The following VPS13C variants were observed in gnomAD, a reference collection of about 807,000 sequenced individuals.
VPS13C encodes the protein vacuolar protein sorting 13 homolog C.
Under a neutral mutation model 456.8 loss-of-function variants are expected in VPS13C, and 358 were observed. The ratio of observed to expected loss-of-function variants is 0.78; its 90% confidence interval spans 0.72 to 0.86. The LOEUF is 0.86. VPS13C is among the 40% of genes least tolerant of loss of function. The pLI, the probability that VPS13C is intolerant of heterozygous loss-of-function variation, is 0.00. For synonymous variants in VPS13C, 1,578 were observed against 1,486.7 expected, an observed-to-expected ratio of 1.06 and a Z score of -1.41; for missense variants, 4,818 against 4,385.4, an observed-to-expected ratio of 1.10 and a Z score of -2.79.
intron 9 of VPS13C, among the ~76,000 whole-genome samples, chr15:62,018,611 C>T (rs1406555118): frequency 6.6e-6 from 1 of 151,732 alleles, no homozygotes; most frequent in African/African-American, 2.4e-5. Flanking sequence ...GTATGTTGAA[C>T]CAGCCTTGCA....
chr15:62,035,634 T>G (rs2140662929), intron 3 of VPS13C, among the ~76,000 whole-genome samples: 1 of 152,056 alleles, frequency 6.6e-6, no homozygotes, highest in South Asian at 2.1e-4. Flanking sequence ...CATACCAAAT[T>G]GTCACAACAG....
chr15:62,016,606 A>C (rs964758249), intron 9 of VPS13C, among the ~76,000 whole-genome samples: 2 of 151,814 alleles, frequency 1.3e-5, no homozygotes, highest in Non-Finnish European at 2.9e-5. Flanking sequence ...TGAACTCATC[A>C]TTTTTTATGG....
rs377113334 is a variant in VPS13C, at chr15:61,915,918, G to A, written c.8160C>T (p.Gly2720=). Residue 2720 remains glycine, a synonymous_variant, in exon 61 of 85, where the codon GGC becomes GGT. Transcript: ENST00000644861. The part of the protein sequence containing the change: ...IMELVLVKYQ[G]KNWNGHFRIR... ...TGCGGAAATGTCCATTCCAGTTTTT[G>A]CCCTGGTATTTCACCAGGACTAATT... 1.4e-5 allele frequency: 22 copies of A among 1,613,800 alleles called. No homozygotes were observed. The African/African-American group carries it at 2.8e-4, about 21-fold the overall frequency.
At chr15:61,866,434 TAAG>T (rs1430059992) in intron 81 of VPS13C, 1 of 984,048 alleles carries the variant, frequency 1.0e-6, no homozygotes, top group African/African-American at 1.7e-5. Flanking sequence ...ACAAAACAAT[TAAG>T]AAAAAATCTT....
At chr15:61,922,079 T>C (rs754945851) in intron 54 of VPS13C, 46 bp from the exon 55 acceptor site, 6 of 1,582,402 alleles carry the variant, frequency 3.8e-6, no homozygotes, top group Non-Finnish European at 5.2e-6. Flanking sequence ...TTGGCTTTAA[T>C]TACATATTTC....
intron 35 of VPS13C, 58 bp downstream of exon 35, chr15:61,961,531 A>C: frequency 1.4e-6 from 2 of 1,469,858 alleles, no homozygotes; most frequent in Non-Finnish European, 9.1e-7. Context: ...TCAAGTCATA[A>C]AATTTCATGG....
At chr15:61,931,475 AATG>A (rs2044053989) in intron 49 of VPS13C, among the ~76,000 whole-genome samples, 1 of 152,196 alleles carries the variant, frequency 6.6e-6, no homozygotes, top group South Asian at 2.1e-4. Context: ...AATATCCAAC[AATG>A]ATTAGTATAG....
intron 18 of VPS13C, among the ~76,000 whole-genome samples, chr15:61,987,700 T>C (rs1169201412): frequency 1.3e-5 from 2 of 152,128 alleles, no homozygotes; most frequent in Non-Finnish European, 2.9e-5. Flanking sequence ...TCGAGGAACA[T>C]ATCAAATCCG....
At chr15:61,990,620 G>A (rs779400086) in intron 18 of VPS13C, among the ~76,000 whole-genome samples, 4 of 152,026 alleles carry the variant, frequency 2.6e-5, no homozygotes, top group Admixed American at 6.6e-5. Context: ...AAACCAGCCT[G>A]GTCAACATGG....
Position 61,896,393 on chromosome 15 carries a change from C to G in VPS13C, c.9106-5993G>C, listed in dbSNP as rs188840049. 2.1e-3 allele frequency among the ~76,000 whole-genome samples: 316 copies of G among 152,226 alleles called. 3 individuals carry two copies. The highest frequency in any genetic ancestry group is 7.3e-3 in the African/African-American group (302 of 41,532). On this transcript the variant is annotated intron_variant, in intron 66 of 84. Coordinates refer to ENST00000644861, the MANE Select transcript of VPS13C (RefSeq NM_020821.3). ...CAGTGGGCACAGGTCAGTGGGTGCA[C>G]GCATGGTGCGCGAGCCGAAGCAGGG...
intron 65 of VPS13C, among the ~76,000 whole-genome samples, chr15:61,908,191 T>G (rs767734359): frequency 1.4e-4 from 22 of 152,096 alleles, no homozygotes; most frequent in Admixed American, 2.6e-4. Context: ...TCCAGAGAAC[T>G]GGGAGAAAAA....
chr15:61,906,500 C>T (rs532715230), intron 66 of VPS13C: 1 of 152,340 alleles, frequency 6.6e-6, no homozygotes, highest in East Asian at 1.9e-4. Flanking sequence ...GCTACAGTTG[C>T]TAAGTAGTAT....
intron 68 of VPS13C, 43 bp from the exon 69 acceptor site, chr15:61,882,779 A>G: frequency 6.7e-7 from 1 of 1,502,220 alleles, no homozygotes. Flanking sequence ...TGATATTAGC[A>G]CAGTAGCTAT....
At chr15:61,919,506 A>G (rs1360544242) in intron 57 of VPS13C, 57 bp from the exon 58 acceptor site, 10 of 1,420,618 alleles carry the variant, frequency 7.0e-6, no homozygotes, top group Non-Finnish European at 7.4e-6. Context: ...ATGTTTCTCT[A>G]TAACAATCAT....
intron 49 of VPS13C, among the ~76,000 whole-genome samples, chr15:61,932,135 G>C (rs985228879): frequency 2.8e-4 from 43 of 152,260 alleles, no homozygotes; most frequent in African/African-American, 9.9e-4. Context: ...AAGCCATTTA[G>C]TGGTTAGGTA....
In VPS13C at chr15:61,960,417, A is replaced by G. The variant is rs542966719; in HGVS notation, c.3909-822T>C. 2.0e-5 allele frequency among the ~76,000 whole-genome samples: 3 copies of G among 152,336 alleles called. 1 individual carries two copies. The highest frequency in any genetic ancestry group is 4.1e-4 in the South Asian group (2 of 4,826). On this transcript the variant is annotated intron_variant, in intron 35 of 84. Coordinates refer to ENST00000644861, the MANE Select transcript of VPS13C (RefSeq NM_020821.3). ...TCAGGGAGAAATTTTTATAATGGAC[A>G]TTCCTATAATGCGAATTATTATAAT...
At chr15:61,986,415 G>A (rs777041674) in intron 18 of VPS13C, among the ~76,000 whole-genome samples, 1 of 152,056 alleles carries the variant, frequency 6.6e-6, no homozygotes, top group Non-Finnish European at 1.5e-5. Context: ...AATATATAAA[G>A]AGCTGAAGAG....
intron 3 of VPS13C, among the ~76,000 whole-genome samples, chr15:62,038,493 G>A (rs926808782): frequency 2.0e-5 from 3 of 152,112 alleles, no homozygotes; most frequent in African/African-American, 7.2e-5. Context: ...AGGCAAAGGT[G>A]GGAGGATCCC....
At chr15:62,041,227 C>T in intron 3 of VPS13C, 97 bp downstream of exon 3, 1 of 1,320,422 alleles carries the variant, frequency 7.6e-7, no homozygotes, top group Non-Finnish European at 1.0e-6. Context: ...AAAAATCTCT[C>T]ACACTTTTAA....
Sources: gnomAD v4.1 joint callset for allele counts (sites outside exome capture counted in the v4.1 genomes callset) on GRCh38, gnomAD v4.1.1 for gene constraint, MANE v1.5 for transcripts, NCBI Gene and HGNC (gene_info 2026-07-23, HGNC 2026-07-21) for gene names.